RPAP2: variants seen among roughly 807,000 people sequenced by gnomAD.
The protein encoded by RPAP2 is putative RNA polymerase II subunit B1 CTD phosphatase RPAP2.
In RPAP2, 52 loss-of-function variants were observed where a neutral mutation model predicts 73.1. The observed-to-expected ratio is 0.71, with a 90% CI of 0.57 to 0.90. RPAP2 has a LOEUF of 0.90. RPAP2 is among the 40% of genes least tolerant of loss of function. The probability of loss-of-function intolerance (pLI) is 0.00; values close to 1 mark genes in which losing one functional copy is unlikely to be tolerated. For missense variants in RPAP2, 598 were observed against 701.8 expected (o/e 0.85, Z 1.67); for synonymous variants, 225 against 242.1 (o/e 0.93, Z 0.65).
At chr1:92,344,982 CTAAGA>C (rs1414587508) in intron 10 of RPAP2, among the ~76,000 whole-genome samples, 17 of 152,158 alleles carry the variant, frequency 1.1e-4, no homozygotes, top group South Asian at 1.0e-3. Flanking sequence ...TTCTGAGAAT[CTAAGA>C]TGACTACAGA....
Position 92,397,633 on chromosome 1 carries a change from A to G in RPAP2, c.*10622A>G, listed in dbSNP as rs1261417847. 1.3e-5 allele frequency: 2 copies of G among 152,288 alleles called. No individual in the cohort carries two copies. Among genetic ancestry groups the G allele is most frequent in the Admixed American group, 1.3e-4 (2 of 15,292 alleles). 9.4% of individuals were successfully genotyped at this position (152,288 alleles called of 1,614,324 possible). ...CATACACTTCTGCCAAGTTTATGTTAGTTTGGGAGGACTGAAGCAGAATTC... is the reference window on the plus strand; with the variant it reads ...CATACACTTCTGCCAAGTTTATGTTGGTTTGGGAGGACTGAAGCAGAATTC... On this transcript the variant is annotated 3_prime_UTR_variant, in exon 13 of 13. Transcript: ENST00000610020.
intron 11 of RPAP2, among the ~76,000 whole-genome samples, chr1:92,355,114 G>A (rs1344448971): frequency 4.0e-5 from 6 of 151,734 alleles, no homozygotes; most frequent in African/African-American, 1.2e-4. Flanking sequence ...CATTGCCTAG[G>A]CTGGTCTTGA....
At position 92,401,517 on chromosome 1, in the gene RPAP2, C is replaced by T. The variant is rs1219975732; in HGVS notation, c.*14506C>T. 2 of 152,168 alleles carry T rather than the reference C, an allele frequency of 1.3e-5. No individual in the cohort carries two copies. Among genetic ancestry groups the T allele is most frequent in the Non-Finnish European group, 2.9e-5 (2 of 68,036 alleles). The allele number at this position is 152,168 out of a possible 1,614,324, so 9.4% of individuals were successfully genotyped here. ...GATTATTGTACTTGTTCTTTGCCAA[C>T]CCATATGTCTTGCCTTACTGCCCTG... is the stretch of plus-strand genomic sequence containing the variant. On this transcript the variant is annotated 3_prime_UTR_variant, in exon 13 of 13. Coordinates refer to ENST00000610020, the MANE Select transcript of RPAP2 (RefSeq NM_024813.3).
At chr1:92,355,551 C>G (rs1654421346) in intron 11 of RPAP2, among the ~76,000 whole-genome samples, 1 of 152,198 alleles carries the variant, frequency 6.6e-6, no homozygotes, top group Non-Finnish European at 1.5e-5. Context: ...GTATCTCCAT[C>G]ATAAGCTTGG....
At chr1:92,367,805 A>G (rs558042531) in intron 11 of RPAP2, among the ~76,000 whole-genome samples, 1 of 152,318 alleles carries the variant, frequency 6.6e-6, no homozygotes, top group South Asian at 2.1e-4. Context: ...AAGAAAGATT[A>G]TGTGGAGTAT....
Position 92,333,198 on chromosome 1 carries a change from A to G in RPAP2, c.1456-193A>G, listed in dbSNP as rs567163927. ...GAAAACTGACTCTCCAAAGAGGGCA[A>G]ATGACTCAAAGAAGTTCACAACAGC... On this transcript the variant is annotated intron_variant, in intron 8 of 12. Coordinates refer to ENST00000610020, the MANE Select transcript of RPAP2 (RefSeq NM_024813.3). 5.1e-5 allele frequency: 27 copies of G among 529,666 alleles called. 2 individuals are homozygous for G. In the South Asian group the frequency reaches 6.9e-4, roughly 14 times the overall value. 32.8% of individuals were successfully genotyped at this position (529,666 alleles called of 1,614,324 possible).
chr1:92,300,348 A>T, intron 2 of RPAP2, 109 bp downstream of exon 2: 1 of 821,110 alleles, frequency 1.2e-6, no homozygotes, highest in East Asian at 2.5e-5. Flanking sequence ...GAAAATTATC[A>T]TGAGAGGGAA....
chr1:92,395,897 A>T lies in RPAP2; in HGVS notation c.*8886A>T, dbSNP rs1181868520. ...AAATACAAGTTAAAAGCAAAATTAG[A>T]TACCATTTTGGACCCACTAAAATGA... On this transcript the variant is annotated 3_prime_UTR_variant, in exon 13 of 13. Coordinates refer to ENST00000610020, the MANE Select transcript of RPAP2 (RefSeq NM_024813.3). 6.6e-6 allele frequency: 1 copy of T among 152,242 alleles called. No homozygotes were observed. Among genetic ancestry groups the T allele is most frequent in the Non-Finnish European group, 1.5e-5 (1 of 68,044 alleles). 9.4% of individuals were successfully genotyped at this position (152,242 alleles called of 1,614,324 possible).
In RPAP2 at chr1:92,302,451, A is replaced by G. The variant is rs796195542; in HGVS notation, c.234+861A>G. The stretch of plus-strand genomic sequence containing the variant: ...AATGATTGCAATTCCAGTTTTCTAT[A>G]TTCTGTGTTGTGTTATTTTAAGTAA... On this transcript the variant is annotated intron_variant, in intron 3 of 12. Coordinates refer to ENST00000610020, the MANE Select transcript of RPAP2 (RefSeq NM_024813.3). 5.7e-4 allele frequency among the ~76,000 whole-genome samples: 86 copies of G among 151,926 alleles called. 1 individual carries two copies. The highest frequency in any genetic ancestry group is 2.0e-3 in the African/African-American group (81 of 41,490).
At position 92,323,561 on chromosome 1, in the gene RPAP2, A is replaced by G. The variant is rs767265126; in HGVS notation, c.641A>G (p.Asp214Gly). The change falls in exon 8 of 13, where the codon GAT becomes GGT. Residue 214 changes from aspartate to glycine, a missense_variant. Transcript: ENST00000610020. The part of the protein sequence containing the change: ...YESSSSSTHS[D>G]SSSDNEQDFV... ...TCTAGTTCTTCTAGCACTCACAGTG[A>G]TAGTAGCAGTGACAATGAGCAAGAC... is the stretch of plus-strand genomic sequence containing the variant. The G allele has an allele frequency of 3.1e-6, 5 of 1,613,280 alleles. No individual in the cohort carries two copies. In the South Asian group the frequency reaches 3.3e-5, roughly 11 times the overall value.
Position 92,399,696 on chromosome 1 carries a change from C to A in RPAP2, c.*12685C>A, listed in dbSNP as rs1378212058. 1 of 152,136 alleles carries A rather than the reference C, an allele frequency of 6.6e-6. No individual in the cohort carries two copies. The highest frequency in any genetic ancestry group is 1.9e-4 in the East Asian group (1 of 5,184). The allele number at this position is 152,136 out of a possible 1,614,324, so 9.4% of individuals were successfully genotyped here. The stretch of plus-strand genomic sequence containing the variant: ...TCATTTTTTATATGAAAAAGCATAG[C>A]CTATGATCTGTCACCTTGCTCACTC... On this transcript the variant is annotated 3_prime_UTR_variant, in exon 13 of 13. Transcript: ENST00000610020.
chr1:92,366,752 C>T (rs1654952247), intron 11 of RPAP2, among the ~76,000 whole-genome samples: 1 of 151,840 alleles, frequency 6.6e-6, no homozygotes, highest in Non-Finnish European at 1.5e-5. Flanking sequence ...AAGTATATAC[C>T]AGACTTTTTT....
At position 92,394,980 on chromosome 1, in the gene RPAP2, AAC is replaced by A. The variant is rs1656149321; in HGVS notation, c.*7971_*7972del. 6.6e-6 allele frequency: 1 copy of A among 152,224 alleles called. No individual in the cohort carries two copies. The highest frequency in any genetic ancestry group is 2.4e-5 in the African/African-American group (1 of 41,466). 9.4% of individuals were successfully genotyped at this position (152,224 alleles called of 1,614,324 possible). A position where few individuals can be genotyped will look rare whatever the true frequency, so the allele number is the denominator to read the frequency against. On this transcript the variant is annotated 3_prime_UTR_variant, in exon 13 of 13. Coordinates refer to ENST00000610020, the MANE Select transcript of RPAP2 (RefSeq NM_024813.3). Reference sequence around the variant, plus strand: ...TAAAGATAGGCATACAGATCAGTGGAACAGAGTCCAGGAATAAACCTTCACAT... The same window carrying A: ...TAAAGATAGGCATACAGATCAGTGGAAGAGTCCAGGAATAAACCTTCACAT...
chr1:92,306,444 A>C (rs1651240337), intron 5 of RPAP2, among the ~76,000 whole-genome samples: 1 of 152,256 alleles, frequency 6.6e-6, no homozygotes, highest in Admixed American at 6.5e-5. Context: ...GTGATAGCAA[A>C]AAAATTAGAA....
intron 11 of RPAP2, among the ~76,000 whole-genome samples, chr1:92,380,022 G>C (rs1655556379): frequency 6.7e-6 from 1 of 149,322 alleles, no homozygotes; most frequent in Non-Finnish European, 1.5e-5. Flanking sequence ...CACTTTGGGA[G>C]GCTGAGGCTG....
At chr1:92,313,769 A>G (rs1253536734) in intron 6 of RPAP2, among the ~76,000 whole-genome samples, 1 of 152,230 alleles carries the variant, frequency 6.6e-6, no homozygotes, top group East Asian at 1.9e-4. Context: ...ATTTGTCTAC[A>G]TTGAAAATTT....
intron 8 of RPAP2, among the ~76,000 whole-genome samples, chr1:92,328,024 C>T (rs1389315843): frequency 6.6e-6 from 1 of 152,214 alleles, no homozygotes; most frequent in Non-Finnish European, 1.5e-5. Context: ...GAGAAATCTG[C>T]TGTTAATCTG....
intron 11 of RPAP2, among the ~76,000 whole-genome samples, chr1:92,346,220 T>C (rs989053524): frequency 4.6e-5 from 7 of 151,684 alleles, no homozygotes; most frequent in African/African-American, 1.2e-4. Flanking sequence ...CTGGAGTGCA[T>C]TGGTGTGATG....
rs542958781 is a variant in RPAP2 at position 92,301,590 on chromosome 1, T to C, written c.234T>C (p.Cys78=). 8.5e-6 allele frequency: 11 copies of C among 1,299,348 alleles called. No homozygotes were observed. The South Asian group carries it at 1.5e-4, about 18-fold the overall frequency. 80.5% of individuals were successfully genotyped at this position (1,299,348 alleles called of 1,614,324 possible). The change falls in exon 3 of 13, where the codon TGT becomes TGC. Residue 78 remains cysteine (C), a splice_region_variant and synonymous_variant. Coordinates refer to ENST00000610020, the MANE Select transcript of RPAP2 (RefSeq NM_024813.3). ...TTACAGAAGAGTTCCTAATGGAGTGTGTATGTGTTAAGTTGACAAATTATT... is the reference window on the plus strand; with the variant it reads ...TTACAGAAGAGTTCCTAATGGAGTGCGTATGTGTTAAGTTGACAAATTATT... The part of the protein sequence containing the change: ...ENITEEFLME[C]GRFITPAHYS...
Sources: allele counts gnomAD v4.1 joint callset (sites outside exome capture counted in the v4.1 genomes callset), GRCh38; gene constraint gnomAD v4.1.1; transcripts MANE v1.5; gene names NCBI Gene and HGNC (gene_info 2026-07-23, HGNC 2026-07-21).